Variants in TOX3 observed in about 807,000 individuals in gnomAD.
TOX3 encodes TOX high mobility group box family member 3, also known as CAG trinucleotide repeat-containing gene F9 protein.
TOX3 carries 22 observed loss-of-function variants against 64.3 expected under a neutral mutation model. That is an observed-to-expected ratio of 0.34 (90% CI 0.24 to 0.49). TOX3 has a LOEUF of 0.49. TOX3 is among the 20% of genes least tolerant of loss of function. The pLI is 0.99. For missense variants in TOX3, 661 were observed against 714.4 expected (o/e 0.93, Z 0.85); for synonymous variants, 291 against 273.6 (o/e 1.06, Z -0.63).
At chr16:52,544,889 T>C (rs948423065) in intron 1 of TOX3, among the ~76,000 whole-genome samples, 12 of 152,302 alleles carry the variant, frequency 7.9e-5, no homozygotes, top group African/African-American at 2.9e-4. Context: ...TATTTTGGTG[T>C]CATTCGAGTG....
chr16:52,542,908 G>A (rs945788922), intron 1 of TOX3, among the ~76,000 whole-genome samples: 1 of 152,096 alleles, frequency 6.6e-6, no homozygotes, highest in Non-Finnish European at 1.5e-5. Context: ...CCAATCAGGT[G>A]GAGTCAAAGC....
intron 1 of TOX3, among the ~76,000 whole-genome samples, chr16:52,485,267 T>TAC (rs1961497718): frequency 7.3e-6 from 1 of 137,850 alleles, no homozygotes; most frequent in African/African-American, 2.6e-5. Flanking sequence ...TATATATATA[T>TAC]ATATACATAT....
rs568720034 is a variant in TOX3 at position 52,472,683 on chromosome 16, T to C, written c.88-4109A>G. ...ATATTCCAAATAAACTAAATGAATA[T>C]CAGGTAAAGTAGTTAATTGTTCTAA... is the stretch of plus-strand genomic sequence containing the variant. On this transcript the variant is annotated intron_variant, in intron 1 of 6. Coordinates refer to ENST00000219746, the MANE Select transcript of TOX3 (RefSeq NM_001080430.4). Among the ~76,000 whole-genome samples, 70 of 152,234 alleles carry C rather than the reference T, an allele frequency of 4.6e-4. 1 individual carries two copies. The South Asian group carries it at 0.012, about 26-fold the overall frequency.
Position 52,478,346 on chromosome 16 carries a change from T to C in TOX3, c.88-9772A>G, listed in dbSNP as rs903058381. Among the ~76,000 whole-genome samples the C allele has an allele frequency of 3.3e-5, 5 of 152,190 alleles. No individual in the cohort carries two copies. The East Asian group carries it at 9.7e-4, about 29-fold the overall frequency. On this transcript the variant is annotated intron_variant, in intron 1 of 6. Transcript: ENST00000219746. ...ACTCATTGCACTTGCTGTTCTTGCC[T>C]GGGCCACTCTCCCTTCTATCCCTAC...
chr16:52,452,679 T>C (rs1235677506), intron 3 of TOX3, among the ~76,000 whole-genome samples: 3 of 66,516 alleles, frequency 4.5e-5, no homozygotes, highest in African/African-American at 3.1e-4. Context: ...TAAAGTATAA[T>C]AATAATAAAA....
intron 4 of TOX3, among the ~76,000 whole-genome samples, chr16:52,449,694 T>A (rs1960275756): frequency 6.6e-6 from 1 of 152,280 alleles, no homozygotes; most frequent in African/African-American, 2.4e-5. Flanking sequence ...AATTATGTAC[T>A]ATTACAGTAC....
chr16:52,453,171 A>C (rs1960407820), intron 3 of TOX3, among the ~76,000 whole-genome samples: 1 of 146,418 alleles, frequency 6.8e-6, no homozygotes, highest in Non-Finnish European at 1.5e-5. Flanking sequence ...TCGTCTTCAT[A>C]TATGTCTTTC....
chr16:52,449,936 G>T (rs900724360), intron 4 of TOX3, among the ~76,000 whole-genome samples: 2 of 152,240 alleles, frequency 1.3e-5, no homozygotes, highest in African/African-American at 4.8e-5. Context: ...TAGAACCAGA[G>T]CAGTTTAGAA....
At chr16:52,454,878 A>T (rs934017727) in intron 3 of TOX3, among the ~76,000 whole-genome samples, 1 of 152,180 alleles carries the variant, frequency 6.6e-6, no homozygotes, top group African/African-American at 2.4e-5. Context: ...ATTTTTATAT[A>T]CTCCCACCAA....
chr16:52,483,221 G>T (rs1961413886), intron 1 of TOX3, among the ~76,000 whole-genome samples: 1 of 152,204 alleles, frequency 6.6e-6, no homozygotes, highest in Non-Finnish European at 1.5e-5. Flanking sequence ...TAATAAGATT[G>T]TAAAGTGGTG....
chr16:52,505,422 ACT>A (rs1386850518), intron 1 of TOX3, among the ~76,000 whole-genome samples: 2 of 152,114 alleles, frequency 1.3e-5, no homozygotes, highest in African/African-American at 4.8e-5. Context: ...GCTATAATAA[ACT>A]CTGAATGCCA....
chr16:52,529,347 A>T (rs1002732484), intron 1 of TOX3, among the ~76,000 whole-genome samples: 7 of 152,316 alleles, frequency 4.6e-5, no homozygotes, highest in African/African-American at 1.7e-4. Context: ...CAATATTGAC[A>T]TAGTAGGCTT....
At chr16:52,491,131 C>T (rs1019121465) in intron 1 of TOX3, among the ~76,000 whole-genome samples, 1 of 152,272 alleles carries the variant, frequency 6.6e-6, no homozygotes, top group Admixed American at 6.5e-5. Context: ...ATCAACATCA[C>T]TTTGTTTATA....
intron 4 of TOX3, among the ~76,000 whole-genome samples, chr16:52,448,721 G>C (rs1212804644): frequency 1.3e-5 from 2 of 152,142 alleles, no homozygotes; most frequent in Non-Finnish European, 2.9e-5. Flanking sequence ...ATGATGCTCA[G>C]GGTTCTGTCC....
intron 1 of TOX3, among the ~76,000 whole-genome samples, chr16:52,492,329 G>T (rs549150827): frequency 1.2e-3 from 177 of 144,958 alleles, no homozygotes; most frequent in African/African-American, 4.0e-3. Flanking sequence ...ATGAAATTTG[G>T]ATATTACATT....
intron 1 of TOX3, among the ~76,000 whole-genome samples, chr16:52,522,668 G>A (rs2151479592): frequency 6.6e-6 from 1 of 152,330 alleles, no homozygotes; most frequent in African/African-American, 2.4e-5. Context: ...GAGTTCCCAA[G>A]ACACTGGTCT....
At chr16:52,483,736 T>C (rs1270732332) in intron 1 of TOX3, among the ~76,000 whole-genome samples, 1 of 151,768 alleles carries the variant, frequency 6.6e-6, no homozygotes, top group Non-Finnish European at 1.5e-5. Flanking sequence ...ACCCGGCTAA[T>C]TTTTGTATTT....
intron 1 of TOX3, among the ~76,000 whole-genome samples, chr16:52,504,462 G>A (rs1461964123): frequency 6.6e-4 from 64 of 97,080 alleles, no homozygotes; most frequent in Non-Finnish European, 1.5e-4. Context: ...GCGAGACTCC[G>A]TCTCAAAAAA....
At chr16:52,487,506 G>A (rs945142671) in intron 1 of TOX3, among the ~76,000 whole-genome samples, 8 of 152,210 alleles carry the variant, frequency 5.3e-5, no homozygotes, top group African/African-American at 1.7e-4. Flanking sequence ...TGTATTGCTC[G>A]AGAAACACTT....
Sources: gnomAD v4.1 joint callset for allele counts (sites outside exome capture counted in the v4.1 genomes callset) on GRCh38, gnomAD v4.1.1 for gene constraint, MANE v1.5 for transcripts, NCBI Gene and HGNC (gene_info 2026-07-23, HGNC 2026-07-21) for gene names.